FKBP5: variants seen among roughly 807,000 people sequenced by gnomAD.
FKBP5 encodes the protein FKBP prolyl isomerase 5.
In FKBP5, 23 loss-of-function variants were observed where a neutral mutation model predicts 50.5. The ratio of observed to expected loss-of-function variants is 0.46; its 90% CI spans 0.33 to 0.65. FKBP5 has a LOEUF of 0.65. Among genes scored for constraint, FKBP5 ranks in the 30% least tolerant of loss-of-function variants. FKBP5 has a pLI of 0.02. For synonymous variants in FKBP5, 176 were observed against 190.6 expected (o/e 0.92, Z 0.63); for missense variants, 411 against 553.1 (o/e 0.74, Z 2.58).
At chr6:35,596,282 A>G (rs961741826) in intron 6 of FKBP5, among the ~76,000 whole-genome samples, 1 of 151,898 alleles carries the variant, frequency 6.6e-6, no homozygotes, top group African/African-American at 2.4e-5. Flanking sequence ...TTGAACCCAG[A>G]GGTAGAGGTT....
chr6:35,642,644 C>T lies in FKBP5; in HGVS notation c.105+76G>A, dbSNP rs1764525206. ...CATCAATAAACATTATCCACCCCAGCCCCCCTCAGAAAGAGATGCTATAAT... is the reference window on the plus strand; with the variant it reads ...CATCAATAAACATTATCCACCCCAGTCCCCCTCAGAAAGAGATGCTATAAT... On this transcript the variant is annotated intron_variant, in intron 2 of 10. Transcript: ENST00000357266. 4.4e-5 allele frequency: 48 copies of T among 1,103,296 alleles called. 2 individuals are homozygous for T. In the South Asian group the frequency reaches 6.2e-4, roughly 14 times the overall value. The allele number at this position is 1,103,296 out of a possible 1,614,324, so 68.3% of individuals were successfully genotyped here.
At chr6:35,640,230 C>G (rs1764443874) in intron 2 of FKBP5, among the ~76,000 whole-genome samples, 1 of 152,224 alleles carries the variant, frequency 6.6e-6, no homozygotes, top group South Asian at 2.1e-4. Flanking sequence ...GCCTGGCCTA[C>G]TTGTACACAC....
chr6:35,722,307 A>G (rs1484565636), intron 1 of FKBP5, among the ~76,000 whole-genome samples: 1 of 152,196 alleles, frequency 6.6e-6, no homozygotes, highest in African/African-American at 2.4e-5. Flanking sequence ...AGCGCTTGCT[A>G]AACATTTATG....
At chr6:35,591,549 TAATAA>T (rs1214320082) in intron 6 of FKBP5, among the ~76,000 whole-genome samples, 1 of 152,106 alleles carries the variant, frequency 6.6e-6, no homozygotes, top group Non-Finnish European at 1.5e-5. Flanking sequence ...TTTTTTTTTT[TAATAA>T]AATGGCCATG....
intron 1 of FKBP5, among the ~76,000 whole-genome samples, chr6:35,674,768 G>C (rs1438656853): frequency 2.6e-5 from 4 of 152,150 alleles, no homozygotes; most frequent in African/African-American, 9.6e-5. Flanking sequence ...TGGCTCCAAG[G>C]AGACTGTCAA....
intron 5 of FKBP5, among the ~76,000 whole-genome samples, chr6:35,608,537 T>TA (rs1446567456): frequency 6.6e-6 from 1 of 151,898 alleles, no homozygotes; most frequent in Admixed American, 6.6e-5. Context: ...TCTAAAAGGA[T>TA]AAAAAAAGTT....
At chr6:35,604,109 G>A (rs1763234234) in intron 5 of FKBP5, among the ~76,000 whole-genome samples, 1 of 151,944 alleles carries the variant, frequency 6.6e-6, no homozygotes, top group South Asian at 2.1e-4. Flanking sequence ...CTGGACTCAA[G>A]CTACTCTCCT....
At chr6:35,621,935 T>C (rs1045475767) in intron 3 of FKBP5, among the ~76,000 whole-genome samples, 1 of 152,246 alleles carries the variant, frequency 6.6e-6, no homozygotes, top group South Asian at 2.1e-4. Context: ...GCTGAGATCA[T>C]GCCACTGCAC....
intron 5 of FKBP5, among the ~76,000 whole-genome samples, chr6:35,615,157 CA>C (rs1350608875): frequency 2.4e-5 from 3 of 126,992 alleles, no homozygotes; most frequent in Non-Finnish European, 4.8e-5. Context: ...ACAACAACTA[CA>C]CACACACACA....
At chr6:35,584,546 G>A in intron 8 of FKBP5, 1 of 985,478 alleles carries the variant, frequency 1.0e-6, no homozygotes, top group Non-Finnish European at 1.2e-6. Context: ...ATTGAAACCT[G>A]CCCTGAGTTG....
chr6:35,657,356 C>T (rs1764984013), intron 1 of FKBP5, among the ~76,000 whole-genome samples: 1 of 152,188 alleles, frequency 6.6e-6, no homozygotes. Context: ...GGGCTGCATT[C>T]CTTCTGGAGG....
At chr6:35,635,871 T>C (rs572010514) in intron 3 of FKBP5, among the ~76,000 whole-genome samples, 4 of 152,338 alleles carry the variant, frequency 2.6e-5, no homozygotes, top group Admixed American at 2.6e-4. Context: ...CAAAGATAGA[T>C]AGTTGAAAAG....
intron 1 of FKBP5, among the ~76,000 whole-genome samples, chr6:35,666,771 C>G (rs1765242110): frequency 6.6e-6 from 1 of 152,060 alleles, no homozygotes; most frequent in African/African-American, 2.4e-5. Flanking sequence ...CGCCTATAAT[C>G]CCAGCTACTC....
At position 35,677,120 on chromosome 6, in the gene FKBP5, C is replaced by T. The variant is rs148550379; in HGVS notation, c.-20+11684G>A. 2.3e-3 allele frequency among the ~76,000 whole-genome samples: 352 copies of T among 152,342 alleles called. 2 individuals carry two copies. The highest frequency in any genetic ancestry group is 8.1e-3 in the African/African-American group (335 of 41,574). On this transcript the variant is annotated intron_variant, in intron 1 of 10. Coordinates refer to ENST00000357266, the MANE Select transcript of FKBP5 (RefSeq NM_004117.4). ...ACGTGGTCTCCCTCTGTCGCCCAGG[C>T]TGGAGTGCAGTGGCGCAATCTCGGC...
At chr6:35,678,709 T>A (rs956792280) in intron 1 of FKBP5, among the ~76,000 whole-genome samples, 1 of 152,138 alleles carries the variant, frequency 6.6e-6, no homozygotes. Context: ...ATAACAAAAT[T>A]TCGGGAAAAA....
chr6:35,727,083 T>C (rs1389827062), intron 1 of FKBP5, among the ~76,000 whole-genome samples: 2 of 151,930 alleles, frequency 1.3e-5, no homozygotes, highest in Non-Finnish European at 2.9e-5. Flanking sequence ...GCAGCAGAGA[T>C]GGGTAGACAG....
chr6:35,628,378 C>A (rs1227673187), intron 3 of FKBP5, among the ~76,000 whole-genome samples: 2 of 152,126 alleles, frequency 1.3e-5, no homozygotes, highest in South Asian at 4.1e-4. Context: ...AAAAAAATTA[C>A]TTTTTCATAT....
intron 2 of FKBP5, among the ~76,000 whole-genome samples, chr6:35,711,111 C>T (rs1399143991): frequency 2.6e-5 from 4 of 151,848 alleles, no homozygotes; most frequent in Non-Finnish European, 5.9e-5. Flanking sequence ...CTTGAGTCCG[C>T]GAAGTCAAGA....
At chr6:35,626,867 C>T (rs1322225241) in intron 3 of FKBP5, among the ~76,000 whole-genome samples, 1 of 152,140 alleles carries the variant, frequency 6.6e-6, no homozygotes, top group East Asian at 1.9e-4. Context: ...TTTTGTTTAT[C>T]TATTCATCTA....
Sources: gnomAD v4.1 joint callset for allele counts (sites outside exome capture counted in the v4.1 genomes callset) on GRCh38, gnomAD v4.1.1 for gene constraint, MANE v1.5 for transcripts, NCBI Gene and HGNC (gene_info 2026-07-23, HGNC 2026-07-21) for gene names.